The following SYN3 variants were observed in gnomAD, a reference collection of about 807,000 sequenced individuals.
The protein encoded by SYN3 is synapsin-3.
In SYN3, 35 loss-of-function variants were observed where a neutral mutation model predicts 65.8. The observed-to-expected ratio is 0.53, with a 90% CI of 0.41 to 0.70. SYN3 has a LOEUF of 0.70. Ranked by LOEUF, SYN3 falls within the 30% of genes least tolerant of loss-of-function variation. The pLI is 0.00. For missense variants in SYN3, 680 were observed against 749.0 expected, an observed-to-expected ratio of 0.91 and a Z score of 1.08; for synonymous variants, 270 against 292.9, an observed-to-expected ratio of 0.92 and a Z score of 0.80.
rs1220453138 is a variant in SYN3 at position 32,690,632 on chromosome 22, G to A, written c.712-93896C>T. ...AACTGCACTGTCCCCAGCATGTCAG[G>A]CAGGCGATATCAGGAGGTGGTAGTG... On this transcript the variant is annotated intron_variant, in intron 6 of 13. Transcript: ENST00000358763. Among the ~76,000 whole-genome samples, 3 of 152,270 alleles carry A rather than the reference G, an allele frequency of 2.0e-5. No homozygotes were observed. In the East Asian group the frequency reaches 5.8e-4, roughly 29 times the overall value.
chr22:32,764,837 C>T (rs1319474646), intron 6 of SYN3, among the ~76,000 whole-genome samples: 1 of 152,182 alleles, frequency 6.6e-6, no homozygotes, highest in African/African-American at 2.4e-5. Flanking sequence ...AATGGCAAGC[C>T]TCTGCCATCT....
chr22:32,542,630 A>G (rs868645774), intron 7 of SYN3, among the ~76,000 whole-genome samples: 29 of 135,414 alleles, frequency 2.1e-4, no homozygotes, highest in East Asian at 9.0e-4. Context: ...GTTTGTGTGT[A>G]TGTGTGTGTG....
intron 7 of SYN3, among the ~76,000 whole-genome samples, chr22:32,555,408 A>G (rs138530032): frequency 9.2e-5 from 14 of 152,330 alleles, no homozygotes; most frequent in Admixed American, 3.9e-4. Flanking sequence ...CCCTATTTCA[A>G]TCACCCAGAA....
chr22:32,802,763 T>C (rs1444834550), intron 6 of SYN3, among the ~76,000 whole-genome samples: 3 of 152,090 alleles, frequency 2.0e-5, no homozygotes, highest in Admixed American at 2.0e-4. Context: ...TTTGAGAGTG[T>C]TGATAGCCAG....
At chr22:32,918,652 C>G (rs1489234805) in intron 4 of SYN3, among the ~76,000 whole-genome samples, 1 of 152,178 alleles carries the variant, frequency 6.6e-6, no homozygotes, top group Non-Finnish European at 1.5e-5. Flanking sequence ...CTGGCAGGGT[C>G]TCCCTGAGGA....
intron 6 of SYN3, among the ~76,000 whole-genome samples, chr22:32,852,737 A>ATGTGTGTG (rs113858544): frequency 6.6e-6 from 1 of 151,486 alleles, no homozygotes; most frequent in African/African-American, 2.4e-5. Flanking sequence ...GACCTGCGAT[A>ATGTGTGTG]TGTGTGTGTG....
chr22:32,927,084 A>T (rs908267718), intron 4 of SYN3, among the ~76,000 whole-genome samples: 9 of 152,118 alleles, frequency 5.9e-5, no homozygotes, highest in African/African-American at 1.9e-4. Context: ...GGCAATGGCT[A>T]TTTACCTACC....
At chr22:32,584,592 T>C (rs1475978165) in intron 7 of SYN3, among the ~76,000 whole-genome samples, 1 of 152,178 alleles carries the variant, frequency 6.6e-6, no homozygotes, top group African/African-American at 2.4e-5. Flanking sequence ...ATTCTTTGTT[T>C]TTCATGGAGG....
chr22:32,813,486 T>TAC lies in SYN3; in HGVS notation c.711+51427_711+51428dup, dbSNP rs130277. On this transcript the variant is annotated intron_variant, in intron 6 of 13. Coordinates refer to ENST00000358763, the MANE Select transcript of SYN3 (RefSeq NM_003490.4). ...TTTAATGTAACATCTTCTGAAAAGA[T>TAC]ACACACACACACACACACACACACA... Among the ~76,000 whole-genome samples, 1,207 of 138,276 alleles carry TAC rather than the reference T, an allele frequency of 8.7e-3. 2 individuals carry two copies. The highest frequency in any genetic ancestry group is 0.011 in the Middle Eastern group (3 of 278). 90.7% of individuals were successfully genotyped at this position (138,276 alleles called of 152,430 possible). A position where few individuals can be genotyped will look rare whatever the true frequency, so the allele number is the denominator to read the frequency against.
rs546903199 is a variant in SYN3, at chr22:33,016,090, C to T, written c.-162-9266G>A. Among the ~76,000 whole-genome samples the T allele has an allele frequency of 3.9e-5, 6 of 152,324 alleles. No individual in the cohort carries two copies. In the East Asian group the frequency reaches 1.2e-3, roughly 29 times the overall value. The stretch of plus-strand genomic sequence containing the variant: ...TGAACTCCTGACCTCAGGTGATCCA[C>T]TCGCCTCGGCCTCCCAAAGTGCTGG... On this transcript the variant is annotated intron_variant, in intron 1 of 13. Transcript: ENST00000358763.
At chr22:32,995,591 C>G (rs991588588) in intron 2 of SYN3, among the ~76,000 whole-genome samples, 1 of 152,138 alleles carries the variant, frequency 6.6e-6, no homozygotes, top group Non-Finnish European at 1.5e-5. Context: ...GCTGATCAAA[C>G]CCAATGCAGT....
At chr22:32,782,571 G>A (rs1168762862) in intron 6 of SYN3, among the ~76,000 whole-genome samples, 1 of 147,778 alleles carries the variant, frequency 6.8e-6, no homozygotes, top group Non-Finnish European at 1.5e-5. Flanking sequence ...GGGCTGGAGT[G>A]CAATGGCATG....
chr22:32,693,386 G>T (rs2060692524), intron 6 of SYN3, among the ~76,000 whole-genome samples: 1 of 152,098 alleles, frequency 6.6e-6, no homozygotes, highest in Non-Finnish European at 1.5e-5. Context: ...GACAGGACGA[G>T]ATTTCGTCGT....
chr22:32,509,427 G>A lies in SYN3; in HGVS notation c.*4265C>T, dbSNP rs753606813. The stretch of plus-strand genomic sequence containing the variant: ...TTTTTGCCCTTTCCCATTTCAAAAT[G>A]TCACAATTATTAAAGGTTACATGTT... On this transcript the variant is annotated 3_prime_UTR_variant, in exon 14 of 14. Transcript: ENST00000358763. Among the ~76,000 whole-genome samples the A allele has an allele frequency of 2.0e-5, 3 of 152,062 alleles. No individual in the cohort carries two copies. The highest frequency in any genetic ancestry group is 4.4e-5 in the Non-Finnish European group (3 of 68,014).
At chr22:32,869,186 G>T in intron 4 of SYN3, 61 bp from the exon 5 acceptor site, 1 of 1,566,698 alleles carries the variant, frequency 6.4e-7, no homozygotes, top group Non-Finnish European at 8.7e-7. Context: ...AGGGCATCCG[G>T]CCACAGCTTG....
At chr22:32,709,318 G>A (rs1288354601) in intron 6 of SYN3, among the ~76,000 whole-genome samples, 2 of 152,174 alleles carry the variant, frequency 1.3e-5, no homozygotes, top group Admixed American at 6.5e-5. Flanking sequence ...GGAACCAATG[G>A]CTCAAATGGC....
chr22:32,896,596 G>C (rs957504135), intron 4 of SYN3, among the ~76,000 whole-genome samples: 1 of 152,162 alleles, frequency 6.6e-6, no homozygotes, highest in Non-Finnish European at 1.5e-5. Flanking sequence ...AAGAAAGTAG[G>C]CATTTTGAGG....
chr22:32,922,774 C>T (rs1380093491), intron 4 of SYN3, among the ~76,000 whole-genome samples: 1 of 152,230 alleles, frequency 6.6e-6, no homozygotes, highest in Non-Finnish European at 1.5e-5. Flanking sequence ...TGAGATATTC[C>T]AATTGACTGG....
chr22:32,573,087 C>A (rs1300275012), intron 7 of SYN3, among the ~76,000 whole-genome samples: 1 of 152,132 alleles, frequency 6.6e-6, no homozygotes, highest in Admixed American at 6.5e-5. Flanking sequence ...AATATTTATA[C>A]CCCAGAAACT....
Sources: gnomAD v4.1 joint callset for allele counts (sites outside exome capture counted in the v4.1 genomes callset) on GRCh38, gnomAD v4.1.1 for gene constraint, MANE v1.5 for transcripts, NCBI Gene and HGNC (gene_info 2026-07-23, HGNC 2026-07-21) for gene names.